AFF1: variants seen among roughly 807,000 people sequenced by gnomAD.
The protein encoded by AFF1 is ALF transcription elongation factor 1, also known as AF4/FMR2 family member 1.
Under a neutral mutation model 121.7 loss-of-function variants are expected in AFF1, and 48 were observed. The ratio of observed to expected loss-of-function variants is 0.39; its 90% CI spans 0.31 to 0.50. The LOEUF (loss-of-function observed/expected upper bound fraction) is 0.50. Ranked by LOEUF, AFF1 falls within the 20% of genes least tolerant of loss-of-function variation. The pLI is 0.76. For synonymous variants in AFF1, 613 were observed against 563.0 expected, an observed-to-expected ratio of 1.09 and a Z score of -1.26; for missense variants, 1,523 against 1,511.7, an observed-to-expected ratio of 1.01 and a Z score of -0.12.
chr4:87,071,904 A>G (rs1278605945), intron 4 of AFF1, among the ~76,000 whole-genome samples: 1 of 152,176 alleles, frequency 6.6e-6, no homozygotes, highest in East Asian at 1.9e-4. Context: ...ATTGTGCCTC[A>G]AAACACTGAA....
intron 2 of AFF1, chr4:87,007,112 G>A: frequency 7.9e-7 from 1 of 1,263,606 alleles, no homozygotes; most frequent in Non-Finnish European, 1.0e-6. Context: ...CGCCGGGGGC[G>A]CTCGCTTGCC....
At chr4:87,125,519 G>A (rs944389347) in intron 13 of AFF1, among the ~76,000 whole-genome samples, 1 of 152,154 alleles carries the variant, frequency 6.6e-6, no homozygotes, top group African/African-American at 2.4e-5. Context: ...GTTGGAGCCA[G>A]CATTTGGACT....
At chr4:86,976,163 G>A (rs1723288735) in intron 2 of AFF1, among the ~76,000 whole-genome samples, 1 of 152,228 alleles carries the variant, frequency 6.6e-6, no homozygotes, top group African/African-American at 2.4e-5. Context: ...GAAGGATGTG[G>A]GGAGGGTTGG....
At chr4:87,105,902 G>A in intron 10 of AFF1, 57 bp downstream of exon 10, 1 of 1,589,218 alleles carries the variant, frequency 6.3e-7, no homozygotes, top group Non-Finnish European at 8.6e-7. Flanking sequence ...TTACCAAATG[G>A]GAAAAATAAA....
intron 2 of AFF1, chr4:87,007,284 CG>C: frequency 3.8e-6 from 6 of 1,560,360 alleles, no homozygotes; most frequent in Non-Finnish European, 5.2e-6. Flanking sequence ...CCCGTAACAT[CG>C]GGGCGCCGCG....
At chr4:86,972,382 A>G (rs1723009064) in intron 2 of AFF1, among the ~76,000 whole-genome samples, 1 of 152,130 alleles carries the variant, frequency 6.6e-6, no homozygotes, top group South Asian at 2.1e-4. Context: ...CATTGGCCAT[A>G]TGTGACTTCT....
intron 2 of AFF1, among the ~76,000 whole-genome samples, chr4:86,982,439 G>C (rs1019503303): frequency 1.3e-5 from 1 of 78,818 alleles, no homozygotes; most frequent in African/African-American, 4.9e-5. Flanking sequence ...TAGTCTGTTT[G>C]TATCCCCCTC....
intron 2 of AFF1, chr4:87,036,837 T>TCCCCCC (rs757984901): frequency 2.1e-6 from 1 of 475,366 alleles, no homozygotes; most frequent in Non-Finnish European, 4.1e-6. Context: ...CCCTCCCCCA[T>TCCCCCC]CCCCCCTTTT....
chr4:87,073,280 CAAAAAAAAAAAAAAAA>C (rs55821662), intron 4 of AFF1, among the ~76,000 whole-genome samples: 1,763 of 83,758 alleles, frequency 0.021, 27 homozygotes, highest in African/African-American at 0.029. Context: ...GCATTAAAGC[CAAAAAAAAAAAAAAAA>C]AAAAAAAAAA....
rs892449530 is a variant in AFF1, at chr4:87,021,630, C to G, written c.39-24536C>G. ...CTCTTTAGAATCTTTTTTTGTAGTT[C>G]AGTAAAACAAAACTAATTGTAAGTT... is the stretch of plus-strand genomic sequence containing the variant. On this transcript the variant is annotated intron_variant, in intron 2 of 20. Coordinates refer to ENST00000395146, the MANE Select transcript of AFF1 (RefSeq NM_001166693.3). Among the ~76,000 whole-genome samples, 8 of 152,138 alleles carry G rather than the reference C, an allele frequency of 5.3e-5. No homozygotes were observed. The East Asian group carries it at 1.4e-3, about 26-fold the overall frequency.
intron 2 of AFF1, among the ~76,000 whole-genome samples, chr4:87,026,147 G>A (rs1322407900): frequency 6.6e-6 from 1 of 150,408 alleles, no homozygotes; most frequent in Non-Finnish European, 1.5e-5. Context: ...GGAGGTTGCA[G>A]TGAGCTGACA....
chr4:87,061,000 C>T (rs925787050), intron 4 of AFF1, among the ~76,000 whole-genome samples: 1 of 152,074 alleles, frequency 6.6e-6, no homozygotes, highest in African/African-American at 2.4e-5. Flanking sequence ...CTTTTATCTC[C>T]CTTATATTCG....
At chr4:86,953,006 C>T (rs2053774) in intron 2 of AFF1, among the ~76,000 whole-genome samples, 1 of 145,192 alleles carries the variant, frequency 6.9e-6, no homozygotes, top group Non-Finnish European at 1.5e-5. Flanking sequence ...GATTACAGGC[C>T]TGAGCCATGG....
intron 2 of AFF1, among the ~76,000 whole-genome samples, chr4:86,998,259 C>T (rs1373063780): frequency 6.6e-6 from 1 of 152,104 alleles, no homozygotes; most frequent in Non-Finnish European, 1.5e-5. Context: ...AAGGGGCTGC[C>T]TTGTAATGAC....
intron 4 of AFF1, among the ~76,000 whole-genome samples, chr4:87,072,101 C>T (rs537964628): frequency 6.6e-5 from 10 of 152,280 alleles, no homozygotes; most frequent in Admixed American, 3.3e-4. Flanking sequence ...TGGTGGCTCA[C>T]GCCTGTAATC....
intron 4 of AFF1, among the ~76,000 whole-genome samples, chr4:87,048,830 C>T (rs563326366): frequency 6.6e-6 from 1 of 152,204 alleles, no homozygotes; most frequent in South Asian, 2.1e-4. Flanking sequence ...AAACCAATGG[C>T]AGAAATGACC....
intron 4 of AFF1, among the ~76,000 whole-genome samples, chr4:87,049,417 T>G (rs745570188): frequency 3.3e-5 from 5 of 152,190 alleles, no homozygotes; most frequent in Non-Finnish European, 7.3e-5. Flanking sequence ...GTTAACTTAC[T>G]GTTTTCTTGG....
At chr4:86,941,216 G>C (rs1372386283) in intron 1 of AFF1, among the ~76,000 whole-genome samples, 1 of 152,192 alleles carries the variant, frequency 6.6e-6, no homozygotes, top group African/African-American at 2.4e-5. Context: ...CATCTTTAAA[G>C]ATAATTTGAA....
chr4:87,034,009 G>A (rs930990922), intron 2 of AFF1, among the ~76,000 whole-genome samples: 2 of 152,110 alleles, frequency 1.3e-5, no homozygotes, highest in Non-Finnish European at 2.9e-5. Flanking sequence ...ATGGGTGCAG[G>A]GAGTCAGATG....
Sources: allele counts gnomAD v4.1 joint callset (sites outside exome capture counted in the v4.1 genomes callset), GRCh38; gene constraint gnomAD v4.1.1; transcripts MANE v1.5; gene names NCBI Gene and HGNC (gene_info 2026-07-23, HGNC 2026-07-21).